The following CDH23 variants were observed in gnomAD, a reference collection of about 807,000 sequenced individuals.
CDH23 encodes cadherin related 23, also known as cadherin-23.
CDH23 carries 189 observed loss-of-function variants against 317.1 expected under a neutral mutation model. That is an observed-to-expected ratio of 0.60 (90% confidence interval 0.53 to 0.67). The LOEUF (loss-of-function observed/expected upper bound fraction) is 0.67. CDH23 is among the 30% of genes least tolerant of loss of function. The pLI, the probability that CDH23 is intolerant of heterozygous loss-of-function variation, is 0.00. For synonymous variants in CDH23, 1,839 were observed against 1,876.8 expected, an observed-to-expected ratio of 0.98 and a Z score of 0.52; for missense variants, 4,401 against 4,592.4, an observed-to-expected ratio of 0.96 and a Z score of 1.20.
intron 31 of CDH23, among the ~76,000 whole-genome samples, chr10:71,731,009 T>C (rs56117124): frequency 5.6e-4 from 86 of 152,302 alleles, no homozygotes; most frequent in African/African-American, 2.0e-3. Context: ...GCTCAGGGCC[T>C]AGCACACGCA....
intron 1 of CDH23, among the ~76,000 whole-genome samples, chr10:71,437,165 G>T (rs550220797): frequency 6.6e-6 from 1 of 152,212 alleles, no homozygotes; most frequent in Non-Finnish European, 1.5e-5. Context: ...TATACTGCTG[G>T]TGGGACTGAG....
At chr10:71,626,310 C>T (rs1374260224) in intron 11 of CDH23, among the ~76,000 whole-genome samples, 2 of 152,180 alleles carry the variant, frequency 1.3e-5, no homozygotes, top group Non-Finnish European at 2.9e-5. Context: ...TAGCTCCCCA[C>T]TCGGGCCTTT....
rs531219420 is a variant in CDH23 at position 71,461,794 on chromosome 10, G to A, written c.145+15399G>A. Among the ~76,000 whole-genome samples, 15 of 152,340 alleles carry A rather than the reference G, an allele frequency of 9.8e-5. No homozygotes were observed. The South Asian group carries it at 1.4e-3, about 15-fold the overall frequency. On this transcript the variant is annotated intron_variant, in intron 3 of 69. Transcript: ENST00000224721. ...CTAGTGACTTGTGCAAAGTCAGAGC[G>A]TTCATTACACATCAGCACCAAGGTT...
chr10:71,720,117 G>C (rs1335090988), intron 28 of CDH23, among the ~76,000 whole-genome samples: 7 of 152,230 alleles, frequency 4.6e-5, no homozygotes, highest in Admixed American at 4.6e-4. Context: ...CCAGCCACCA[G>C]GTTACCCTGG....
At chr10:71,575,792 A>G (rs1486897416) in intron 8 of CDH23, among the ~76,000 whole-genome samples, 1 of 152,192 alleles carries the variant, frequency 6.6e-6, no homozygotes, top group Non-Finnish European at 1.5e-5. Flanking sequence ...AAATATAATC[A>G]CTGAGCCTCT....
chr10:71,682,685 C>A (rs762765955), intron 18 of CDH23, 113 bp downstream of exon 18: 2 of 1,364,504 alleles, frequency 1.5e-6, no homozygotes, highest in Non-Finnish European at 2.0e-6. Context: ...GTCCCTGCAC[C>A]TTGGGGAGTT....
Position 71,751,151 on chromosome 10 carries a change from G to A in CDH23, c.4845+9230G>A, listed in dbSNP as rs1208881026. ...TATCTGAGCCCAGAGCAGGAGGGAG[G>A]GAACCAGGGCCGAGGCCAAGGAGGC... On this transcript the variant is annotated intron_variant, in intron 38 of 69. Coordinates refer to ENST00000224721, the MANE Select transcript of CDH23 (RefSeq NM_022124.6). The surrounding 1 kb of genome is among the most constrained non-coding windows in gnomAD (Gnocchi z 4.9). The A allele has an allele frequency of 3.7e-6, 5 of 1,369,860 alleles. No individual in the cohort carries two copies. The highest frequency in any genetic ancestry group is 5.0e-6 in the Non-Finnish European group (5 of 999,634). The allele number at this position is 1,369,860 out of a possible 1,614,324, so 84.9% of individuals were successfully genotyped here.
chr10:71,560,064 T>C (rs1857053778), intron 6 of CDH23, among the ~76,000 whole-genome samples: 1 of 151,640 alleles, frequency 6.6e-6, no homozygotes, highest in Non-Finnish European at 1.5e-5. Context: ...GAAAGAAACA[T>C]AGCCCACCTC....
At chr10:71,560,307 T>C (rs1411044606) in intron 6 of CDH23, among the ~76,000 whole-genome samples, 5 of 152,190 alleles carry the variant, frequency 3.3e-5, no homozygotes, top group African/African-American at 9.6e-5. Flanking sequence ...CCCATTTTCT[T>C]ATTCTCAGTG....
At position 71,807,700 on chromosome 10, in the gene CDH23, G is replaced by A. The variant is rs1448474378; in HGVS notation, c.8493G>A (p.Glu2831=). The A allele has an allele frequency of 1.2e-6, 2 of 1,612,934 alleles. No homozygotes were observed. Among genetic ancestry groups the A allele is most frequent in the Non-Finnish European group, 1.7e-6 (2 of 1,179,486 alleles). The change falls in exon 59 of 70, where the codon GAG becomes GAA. Residue 2831 remains glutamate (E), a synonymous_variant. Coordinates refer to ENST00000224721, the MANE Select transcript of CDH23 (RefSeq NM_022124.6). The stretch of plus-strand genomic sequence containing the variant: ...TGGTTGCTGACCTCACACTGCAGGA[G>A]GTGCGCGTTGTGCTAGAGGACATCA... The part of the protein sequence containing the change: ...LDLVADLTLQ[E]VRVVLEDIND...
intron 6 of CDH23, among the ~76,000 whole-genome samples, chr10:71,563,928 T>A (rs1185077909): frequency 6.6e-6 from 1 of 152,098 alleles, no homozygotes; most frequent in South Asian, 2.1e-4. Context: ...TTTGTATTTT[T>A]AGTAGAGACG....
chr10:71,621,977 G>A (rs1333449093), intron 11 of CDH23, among the ~76,000 whole-genome samples: 1 of 152,034 alleles, frequency 6.6e-6, no homozygotes, highest in African/African-American at 2.4e-5. Context: ...TGTACCTTGT[G>A]ACAGTTGAGA....
chr10:71,741,038 C>A (rs1839720446), intron 37 of CDH23, 88 bp downstream of exon 37: 1 of 1,476,964 alleles, frequency 6.8e-7, no homozygotes, highest in Non-Finnish European at 9.4e-7. Context: ...TAAATGTCTG[C>A]CTGGCCCACT....
intron 47 of CDH23, among the ~76,000 whole-genome samples, 182 bp from the exon 48 acceptor site, chr10:71,793,000 A>G (rs2132952855): frequency 6.6e-6 from 1 of 151,936 alleles, no homozygotes; most frequent in Admixed American, 6.6e-5. Context: ...TAATCAAAGA[A>G]TATAAAATAA....
intron 26 of CDH23, 198 bp downstream of exon 26, chr10:71,707,247 T>C: frequency 2.1e-6 from 3 of 1,460,376 alleles, no homozygotes; most frequent in Non-Finnish European, 2.7e-6. Context: ...GCTGGATCAC[T>C]CTGGACTGGC....
chr10:71,465,649 G>T (rs916104332), intron 3 of CDH23, among the ~76,000 whole-genome samples: 2 of 152,192 alleles, frequency 1.3e-5, no homozygotes, highest in Admixed American at 6.5e-5. Context: ...TTTACCTGAC[G>T]CTGTTCAGTC....
chr10:71,485,567 T>G (rs1288325797), intron 3 of CDH23, among the ~76,000 whole-genome samples: 2 of 152,360 alleles, frequency 1.3e-5, no homozygotes, highest in East Asian at 3.9e-4. Flanking sequence ...AACTTCCCCT[T>G]CCATCTCATT....
chr10:71,457,954 G>C (rs1356936014), intron 3 of CDH23, among the ~76,000 whole-genome samples: 2 of 152,208 alleles, frequency 1.3e-5, no homozygotes, highest in Non-Finnish European at 2.9e-5. Flanking sequence ...TTGCAGGGGT[G>C]GGGGGCTGAC....
At chr10:71,801,602 T>C (rs1841560849) in intron 53 of CDH23, among the ~76,000 whole-genome samples, 1 of 152,176 alleles carries the variant, frequency 6.6e-6, no homozygotes, top group Non-Finnish European at 1.5e-5. Context: ...CTCAAGGTTT[T>C]GCTTCCTCTT....
Sources: allele counts gnomAD v4.1 joint callset (sites outside exome capture counted in the v4.1 genomes callset), GRCh38; gene constraint gnomAD v4.1.1; non-coding constraint Gnocchi (gnomAD v3.1); transcripts MANE v1.5; gene names NCBI Gene and HGNC (gene_info 2026-07-23, HGNC 2026-07-21).